IL31RA: variants seen among roughly 807,000 people sequenced by gnomAD.
The protein encoded by IL31RA is interleukin 31 receptor A, also known as interleukin-31 receptor subunit alpha.
A neutral mutation model predicts 83.7 loss-of-function variants in IL31RA; 66 were observed. That is an observed-to-expected ratio of 0.79 (90% confidence interval 0.65 to 0.97). The LOEUF (loss-of-function observed/expected upper bound fraction) is 0.97. IL31RA is among the 50% of genes least tolerant of loss of function. The pLI is 0.00. For synonymous variants in IL31RA, 325 were observed against 329.0 expected (o/e 0.99, Z 0.13); for missense variants, 798 against 919.4 (o/e 0.87, Z 1.71).
chr5:55,845,167 A>G, the IL31RA span, among the ~76,000 whole-genome samples: 2 of 152,148 alleles, frequency 1.3e-5, no homozygotes, highest in Non-Finnish European at 2.9e-5. Flanking sequence ...TATGCCTTAT[A>G]ACATTTTGTT....
At chr5:55,861,697 TA>T (rs1358134601) in intron 2 of IL31RA, among the ~76,000 whole-genome samples, 1 of 152,040 alleles carries the variant, frequency 6.6e-6, no homozygotes, top group East Asian at 1.9e-4. Flanking sequence ...TCTAAACTTC[TA>T]ATTACAGACA....
chr5:55,915,598 T>C (rs1403553771), intron 14 of IL31RA, among the ~76,000 whole-genome samples: 1 of 152,224 alleles, frequency 6.6e-6, no homozygotes, highest in African/African-American at 2.4e-5. Context: ...CAGTTTTTCC[T>C]TGATGCACAA....
chr5:55,861,541 G>A (rs191748973), intron 2 of IL31RA, among the ~76,000 whole-genome samples: 25 of 152,252 alleles, frequency 1.6e-4, no homozygotes, highest in African/African-American at 5.1e-4. Flanking sequence ...GAAACCATCC[G>A]TACCCCAGGT....
intron 8 of IL31RA, among the ~76,000 whole-genome samples, chr5:55,905,229 G>T (rs983817658): frequency 4.7e-5 from 7 of 148,680 alleles, no homozygotes; most frequent in African/African-American, 1.5e-4. Flanking sequence ...AAGAAAGAAA[G>T]AAAAAGAAAA....
intron 7 of IL31RA, among the ~76,000 whole-genome samples, chr5:55,898,638 T>A (rs1205334869): frequency 7.1e-6 from 1 of 140,694 alleles, no homozygotes; most frequent in Non-Finnish European, 1.6e-5. Flanking sequence ...TTAATGTTAT[T>A]TTAAAAAGAT....
At chr5:55,849,097 C>T (rs1744996439), upstream of IL31RA, among the ~76,000 whole-genome samples, 1 of 152,146 alleles carries the variant, frequency 6.6e-6, no homozygotes, top group Admixed American at 6.5e-5. Flanking sequence ...AATACATATA[C>T]ATAGTTTAAA....
rs1749893730 is a variant in IL31RA at position 55,918,126 on chromosome 5, G to A, written c.*1006G>A. On this transcript the variant is annotated 3_prime_UTR_variant, in exon 15 of 15. Coordinates refer to ENST00000652347, the MANE Select transcript of IL31RA (RefSeq NM_139017.7). ...CCTTTCACGAAAGTGTGGATTGCTG[G>A]CTTCAGCACTGAGATAGTACTGGGC... 6.6e-6 allele frequency among the ~76,000 whole-genome samples: 1 copy of A among 152,196 alleles called. No homozygotes were observed. Among genetic ancestry groups the A allele is most frequent in the Non-Finnish European group, 1.5e-5 (1 of 68,042 alleles).
chr5:55,860,237 C>G (rs1180613689), intron 2 of IL31RA, among the ~76,000 whole-genome samples: 1 of 152,036 alleles, frequency 6.6e-6, no homozygotes. Flanking sequence ...AGTATGGTGG[C>G]TCACGCTTGT....
chr5:55,842,755 C>A, the IL31RA span, among the ~76,000 whole-genome samples: 1 of 152,182 alleles, frequency 6.6e-6, no homozygotes, highest in Admixed American at 6.5e-5. Context: ...AGTTTTGCTT[C>A]CGCAGTGTCA....
intron 4 of IL31RA, among the ~76,000 whole-genome samples, chr5:55,881,554 G>A (rs796291665): frequency 2.6e-5 from 4 of 151,908 alleles, no homozygotes; most frequent in African/African-American, 9.7e-5. Context: ...CTAGAACTTA[G>A]GAGGTGAGCA....
At chr5:55,857,097 A>AC (rs1554084057) in intron 1 of IL31RA, among the ~76,000 whole-genome samples, 1 of 145,956 alleles carries the variant, frequency 6.9e-6, no homozygotes, top group Admixed American at 6.9e-5. Flanking sequence ...ACCTTTTTGC[A>AC]TTTTTTTTTT....
intron 4 of IL31RA, 46 bp downstream of exon 4, chr5:55,872,497 C>A: frequency 1.5e-6 from 2 of 1,318,022 alleles, no homozygotes; most frequent in Non-Finnish European, 2.1e-6. Flanking sequence ...TAAATGTTTA[C>A]CTCCTTCTCT....
At chr5:55,883,240 GAAA>G (rs748208807) in intron 5 of IL31RA, 45 bp downstream of exon 5, 1 of 1,490,982 alleles carries the variant, frequency 6.7e-7, no homozygotes, top group South Asian at 1.1e-5. Context: ...AGGCCCAGAG[GAAA>G]AGAATCATTG....
chr5:55,913,791 G>A (rs2112585625), intron 13 of IL31RA, among the ~76,000 whole-genome samples: 1 of 152,372 alleles, frequency 6.6e-6, no homozygotes, highest in Non-Finnish European at 1.5e-5. Context: ...TCCATGCCCA[G>A]GTCTAGGCCT....
chr5:55,868,828 C>T lies in IL31RA; in HGVS notation c.192C>T (p.Tyr64=), dbSNP rs1746342904. 1.2e-6 allele frequency: 2 copies of T among 1,609,548 alleles called. No individual in the cohort carries two copies. The highest frequency in any genetic ancestry group is 1.3e-5 in the African/African-American group (1 of 74,776). The change falls in exon 3 of 15, where the codon TAC becomes TAT. Residue 64 remains tyrosine, a synonymous_variant. Transcript: ENST00000652347. ...AGCCTGAGAACATTTCCTGTGTCTA[C>T]TACTATAGGAAAAATTTAACCTGCA... is the stretch of plus-strand genomic sequence containing the variant. ...PAKPENISCV[Y]YYRKNLTCTW...
chr5:55,886,760 T>C (rs1253556059), intron 5 of IL31RA, among the ~76,000 whole-genome samples: 1 of 152,252 alleles, frequency 6.6e-6, no homozygotes. Context: ...CTGGTCATTC[T>C]GAATTGCTTG....
chr5:55,877,071 T>C (rs573671849), intron 4 of IL31RA, among the ~76,000 whole-genome samples: 1 of 152,256 alleles, frequency 6.6e-6, no homozygotes, highest in Non-Finnish European at 1.5e-5. Context: ...TGTCTTCTTT[T>C]GTGTTTAGTT....
rs1561111950 is a variant in IL31RA at position 55,899,905 on chromosome 5, T to G, written c.853-11T>G. 2 of 1,611,224 alleles carry G rather than the reference T, an allele frequency of 1.2e-6. No individual in the cohort carries two copies. Among genetic ancestry groups the G allele is most frequent in the Non-Finnish European group, 1.7e-6 (2 of 1,177,336 alleles). ...GTTATTGGCAATAAATTTTGTTTTC[T>G]TTGGGTTCAGAAGGCAAGAGGAGCC... On this transcript the variant is annotated splice_polypyrimidine_tract_variant and intron_variant, in intron 7 of 14. Transcript: ENST00000652347.
chr5:55,852,472 G>A (rs1745123054), intron 1 of IL31RA, among the ~76,000 whole-genome samples: 1 of 151,998 alleles, frequency 6.6e-6, no homozygotes, highest in African/African-American at 2.4e-5. Flanking sequence ...ACGCCTGGCT[G>A]GAATTTTAAA....
Sources: allele counts gnomAD v4.1 joint callset (sites outside exome capture counted in the v4.1 genomes callset), GRCh38; gene constraint gnomAD v4.1.1; transcripts MANE v1.5; gene names NCBI Gene and HGNC (gene_info 2026-07-23, HGNC 2026-07-21).